The following CSMD3 variants were observed in gnomAD, a reference collection of about 807,000 sequenced individuals.
CSMD3 encodes the protein CUB and Sushi multiple domains 3.
A neutral mutation model predicts 435.2 loss-of-function variants in CSMD3; 177 were observed. The observed-to-expected ratio is 0.41, with a 90% CI of 0.36 to 0.46. The LOEUF (loss-of-function observed/expected upper bound fraction) is 0.46, where lower values mean the gene tolerates loss of function less well. CSMD3 is among the 20% of genes least tolerant of loss of function. The pLI is 0.34. For missense variants in CSMD3, 4,265 were observed against 4,504.6 expected (o/e 0.95, Z 1.52); for synonymous variants, 1,656 against 1,520.5 (o/e 1.09, Z -2.07).
intron 13 of CSMD3, among the ~76,000 whole-genome samples, chr8:112,770,445 T>G (rs1410199621): frequency 2.0e-5 from 3 of 152,130 alleles, no homozygotes; most frequent in Non-Finnish European, 4.4e-5. Flanking sequence ...ACCAATGCCT[T>G]GGTTAGACTT....
At chr8:112,265,936 A>C (rs1816900486) in intron 59 of CSMD3, among the ~76,000 whole-genome samples, 1 of 152,138 alleles carries the variant, frequency 6.6e-6, no homozygotes, top group African/African-American at 2.4e-5. Context: ...TTTCTAACAT[A>C]ATATTTGAAA....
intron 2 of CSMD3, among the ~76,000 whole-genome samples, chr8:113,303,056 A>G (rs1439685781): frequency 5.2e-4 from 59 of 113,300 alleles, no homozygotes; most frequent in Admixed American, 8.4e-4. Context: ...AAGCAACTTC[A>G]GCAAAGTCTC....
intron 67 of CSMD3, among the ~76,000 whole-genome samples, chr8:112,235,306 C>G (rs562186947): frequency 1.1e-4 from 17 of 152,154 alleles, no homozygotes; most frequent in African/African-American, 4.1e-4. Flanking sequence ...ATGGCTTGAG[C>G]CCAGGAGCCG....
At chr8:112,640,867 A>C (rs1373689616) in intron 20 of CSMD3, among the ~76,000 whole-genome samples, 5 of 152,260 alleles carry the variant, frequency 3.3e-5, no homozygotes, top group Non-Finnish European at 5.9e-5. Context: ...ATAGGAGAGT[A>C]GATTGAATAA....
intron 10 of CSMD3, among the ~76,000 whole-genome samples, chr8:112,906,720 T>C (rs1005738342): frequency 6.6e-6 from 1 of 151,518 alleles, no homozygotes; most frequent in Non-Finnish European, 1.5e-5. Flanking sequence ...TCAGCCTCTT[T>C]CCATATTGCT....
chr8:112,678,206 T>C (rs1335065422), intron 16 of CSMD3, among the ~76,000 whole-genome samples: 1 of 152,148 alleles, frequency 6.6e-6, no homozygotes, highest in Non-Finnish European at 1.5e-5. Flanking sequence ...GTGCTATCTG[T>C]AGACTCAGAT....
intron 5 of CSMD3, among the ~76,000 whole-genome samples, chr8:113,034,669 G>T (rs2087262460): frequency 6.6e-6 from 1 of 151,938 alleles, no homozygotes. Flanking sequence ...CTATAAATGG[G>T]CTAATGTCAA....
At chr8:112,586,941 G>A in intron 23 of CSMD3, 125 bp downstream of exon 23, 2 of 547,710 alleles carry the variant, frequency 3.7e-6, no homozygotes, top group Non-Finnish European at 6.4e-6. Context: ...TGTGTGAATG[G>A]TAGAATCAAC....
At chr8:112,521,616 C>T (rs1229047361) in intron 27 of CSMD3, among the ~76,000 whole-genome samples, 1 of 151,832 alleles carries the variant, frequency 6.6e-6, no homozygotes, top group African/African-American at 2.4e-5. Flanking sequence ...CAATTTCTCA[C>T]TAAATAACTT....
chr8:112,673,781 C>T (rs561614217), intron 16 of CSMD3, among the ~76,000 whole-genome samples: 1 of 152,096 alleles, frequency 6.6e-6, no homozygotes, highest in African/African-American at 2.4e-5. Context: ...CAGTCCCATC[C>T]TATTCACTCA....
At chr8:112,493,780 T>C (rs186517700) in intron 30 of CSMD3, among the ~76,000 whole-genome samples, 1 of 152,260 alleles carries the variant, frequency 6.6e-6, no homozygotes, top group Admixed American at 6.5e-5. Flanking sequence ...AACACTTTGT[T>C]GTTAACAGAT....
Position 112,234,372 on chromosome 8 carries a change from T to C in CSMD3, c.10733A>G (p.Asp3578Gly), listed in dbSNP as rs1235542116. ...KKMKEENWAMDGFVSAEPDGA... is the reference protein window; with the variant it reads ...KKMKEENWAMGGFVSAEPDGA... The stretch of plus-strand genomic sequence containing the variant: ...TAAAATAACTATACTTACAAAGCCA[T>C]CCATTGCCCAATTTTCTTCCTTCAT... The change falls in exon 68 of 71, where the codon GAT becomes GGT. Residue 3578 changes from aspartate (D) to glycine (G), a missense_variant. Physicochemically the swap from Asp to Gly is moderately conservative, Grantham distance 94. Around this residue, in one of 3 missense-constraint regions of CSMD3, gnomAD observed 3,255 missense variants for 3,380.2 expected, o/e 0.96. Transcript: ENST00000297405. 3 of 1,596,536 alleles carry C rather than the reference T, an allele frequency of 1.9e-6. No homozygotes were observed. Among genetic ancestry groups the C allele is most frequent in the Non-Finnish European group, 2.6e-6 (3 of 1,164,668 alleles).
intron 3 of CSMD3, among the ~76,000 whole-genome samples, chr8:113,258,736 C>T (rs942214075): frequency 6.6e-6 from 1 of 151,948 alleles, no homozygotes; most frequent in Non-Finnish European, 1.5e-5. Context: ...AGTAGGGAAG[C>T]GTTAAGAGAT....
At chr8:112,254,112 TGC>T in intron 63 of CSMD3, 139 bp downstream of exon 63, 1 of 734,540 alleles carries the variant, frequency 1.4e-6, no homozygotes, top group East Asian at 2.6e-5. Context: ...TCCACTCTTT[TGC>T]TGTCTGTTAC....
intron 1 of CSMD3, among the ~76,000 whole-genome samples, chr8:113,321,081 A>G (rs980161885): frequency 4.6e-5 from 7 of 151,972 alleles, no homozygotes; most frequent in African/African-American, 1.7e-4. Flanking sequence ...ATCCTATCCT[A>G]TTTTAAGAGC....
intron 28 of CSMD3, among the ~76,000 whole-genome samples, chr8:112,516,735 G>T (rs1668401018): frequency 1.3e-5 from 2 of 152,104 alleles, no homozygotes; most frequent in South Asian, 2.1e-4. Context: ...CACTCTTTAA[G>T]CAATGGATAA....
intron 32 of CSMD3, among the ~76,000 whole-genome samples, chr8:112,452,898 A>C (rs1207553945): frequency 2.0e-5 from 3 of 152,198 alleles, no homozygotes; most frequent in Non-Finnish European, 4.4e-5. Flanking sequence ...GAAAAGAATC[A>C]CAAAACAAAT....
At chr8:112,970,092 T>C (rs572054282) in intron 7 of CSMD3, among the ~76,000 whole-genome samples, 262 of 152,138 alleles carry the variant, frequency 1.7e-3, no homozygotes, top group Non-Finnish European at 2.5e-3. Flanking sequence ...CACAAAATAA[T>C]GATATTTACT....
intron 4 of CSMD3, among the ~76,000 whole-genome samples, chr8:113,109,560 G>A (rs981495790): frequency 1.3e-5 from 2 of 152,182 alleles, no homozygotes; most frequent in Non-Finnish European, 2.9e-5. Flanking sequence ...ATGTCTTATA[G>A]CTCAAGAATA....
Sources: allele counts gnomAD v4.1 joint callset (sites outside exome capture counted in the v4.1 genomes callset), GRCh38; gene constraint gnomAD v4.1.1; regional missense constraint gnomAD v4.1.1; transcripts MANE v1.5; gene names NCBI Gene and HGNC (gene_info 2026-07-23, HGNC 2026-07-21).